Variants in STAG1 observed in about 807,000 individuals in gnomAD.
STAG1 encodes the protein cohesin subunit SA-1.
In STAG1, 26 loss-of-function variants were observed where a neutral mutation model predicts 170.9. The observed-to-expected ratio is 0.15, with a 90% CI of 0.11 to 0.21. The LOEUF (loss-of-function observed/expected upper bound fraction) is 0.21. STAG1 is among the 10% of genes least tolerant of loss of function. The probability of loss-of-function intolerance (pLI) is 1.00; values close to 1 mark genes in which losing one functional copy is unlikely to be tolerated. For synonymous variants in STAG1, 514 were observed against 497.7 expected (o/e 1.03, Z -0.44); for missense variants, 964 against 1,509.5 (o/e 0.64, Z 5.99).
At chr3:136,626,977 A>G (rs13066401) in intron 2 of STAG1, among the ~76,000 whole-genome samples, 13,654 of 152,236 alleles carry the variant, frequency 0.09, 858 homozygotes, top group Non-Finnish European at 0.13. Flanking sequence ...CAAAATCTCC[A>G]AGTGCTTTTG....
intron 7 of STAG1, among the ~76,000 whole-genome samples, chr3:136,514,990 A>G (rs938000910): frequency 6.6e-6 from 1 of 152,040 alleles, no homozygotes. Flanking sequence ...CAGCAAACCA[A>G]CATGGCACAT....
chr3:136,669,102 T>C (rs1322716545), intron 1 of STAG1, among the ~76,000 whole-genome samples: 1 of 152,212 alleles, frequency 6.6e-6, no homozygotes, highest in Non-Finnish European at 1.5e-5. Context: ...TCCATTTCTC[T>C]GTAAGATCTG....
chr3:136,674,154 A>AGGGAGAGAGGGAGGGAGG (rs1942060235), intron 1 of STAG1, among the ~76,000 whole-genome samples: 1 of 13,104 alleles, frequency 7.6e-5, no homozygotes, highest in Non-Finnish European at 1.3e-4. Flanking sequence ...AGGGAGGGAG[A>AGGGAGAGAGGGAGGGAGG]GAGGGAGGGA....
intron 5 of STAG1, among the ~76,000 whole-genome samples, chr3:136,550,704 C>T (rs563967884): frequency 2.6e-5 from 4 of 152,002 alleles, no homozygotes; most frequent in African/African-American, 9.6e-5. Flanking sequence ...GGTGTAGAGT[C>T]GTTCCTTGTA....
chr3:136,437,816 C>A lies in STAG1; in HGVS notation c.1547-4157G>T, dbSNP rs571463721. On this transcript the variant is annotated intron_variant, in intron 15 of 33. Coordinates refer to ENST00000383202, the MANE Select transcript of STAG1 (RefSeq NM_005862.3). Reference sequence around the variant, plus strand: ...TGCTCTTCCTGCTTTCATCCCCTATCCACAATCTTTAACTCAGCCATGGGC... The same window carrying A: ...TGCTCTTCCTGCTTTCATCCCCTATACACAATCTTTAACTCAGCCATGGGC... 2.0e-5 allele frequency among the ~76,000 whole-genome samples: 3 copies of A among 152,210 alleles called. No individual in the cohort carries two copies. The South Asian group carries it at 6.2e-4, about 32-fold the overall frequency.
intron 8 of STAG1, among the ~76,000 whole-genome samples, chr3:136,502,190 A>C (rs1229317900): frequency 6.6e-6 from 1 of 151,804 alleles, no homozygotes; most frequent in Non-Finnish European, 1.5e-5. Context: ...CAAAAAAAAA[A>C]CAGTATAAAA....
chr3:136,465,181 T>C (rs968488881), intron 12 of STAG1, among the ~76,000 whole-genome samples, 193 bp from the exon 13 acceptor site: 1 of 151,826 alleles, frequency 6.6e-6, no homozygotes, highest in Non-Finnish European at 1.5e-5. Context: ...AAAATACAGA[T>C]TCAACGAGAA....
rs565772480 is a variant in STAG1, at chr3:136,542,915, T to C, written c.395-720A>G. On this transcript the variant is annotated intron_variant, in intron 5 of 33. Coordinates refer to ENST00000383202, the MANE Select transcript of STAG1 (RefSeq NM_005862.3). ...AAAAAGTTTCCCGGTATCAGACCCA[T>C]GGTTTACATGCAGGCAGACTGGCTA... 2.6e-5 allele frequency among the ~76,000 whole-genome samples: 4 copies of C among 152,228 alleles called. No individual in the cohort carries two copies. The South Asian group carries it at 8.3e-4, about 32-fold the overall frequency.
At chr3:136,464,633 T>C (rs1052793021) in intron 13 of STAG1, among the ~76,000 whole-genome samples, 2 of 152,080 alleles carry the variant, frequency 1.3e-5, no homozygotes, top group Admixed American at 6.6e-5. Context: ...TCCTCCAATC[T>C]CCACTCACAT....
At chr3:136,415,727 C>T (rs577797401) in intron 21 of STAG1, among the ~76,000 whole-genome samples, 5 of 152,150 alleles carry the variant, frequency 3.3e-5, no homozygotes, top group Admixed American at 6.5e-5. Context: ...GCGGCCGAGG[C>T]GGAAGAATCG....
intron 26 of STAG1, 73 bp from the exon 27 acceptor site, chr3:136,359,369 T>C: frequency 9.0e-7 from 1 of 1,113,438 alleles, no homozygotes; most frequent in Non-Finnish European, 1.2e-6. Context: ...AATAGGTAAT[T>C]AAAAAATATG....
At chr3:136,570,453 T>C (rs1001649554) in intron 4 of STAG1, among the ~76,000 whole-genome samples, 1 of 152,236 alleles carries the variant, frequency 6.6e-6, no homozygotes, top group Non-Finnish European at 1.5e-5. Flanking sequence ...TTGAGGAATA[T>C]GAGTACTCTT....
At chr3:136,573,842 G>A (rs972540762) in intron 4 of STAG1, among the ~76,000 whole-genome samples, 2 of 151,948 alleles carry the variant, frequency 1.3e-5, no homozygotes, top group Non-Finnish European at 2.9e-5. Flanking sequence ...GTGGTGGTGG[G>A]TGCCTGTAAT....
chr3:136,457,833 T>A (rs940338449), intron 13 of STAG1, among the ~76,000 whole-genome samples: 1 of 152,128 alleles, frequency 6.6e-6, no homozygotes, highest in South Asian at 2.1e-4. Flanking sequence ...TGGTGATTCA[T>A]GCCTGTAATC....
intron 7 of STAG1, among the ~76,000 whole-genome samples, chr3:136,520,654 G>A (rs1934625476): frequency 6.6e-6 from 1 of 152,072 alleles, no homozygotes; most frequent in African/African-American, 2.4e-5. Context: ...AAGCAAAAGT[G>A]AAAACTAATC....
intron 1 of STAG1, among the ~76,000 whole-genome samples, chr3:136,750,762 T>C (rs1261221241): frequency 2.6e-5 from 4 of 152,232 alleles, no homozygotes; most frequent in African/African-American, 9.6e-5. Context: ...GTATTCTTAA[T>C]CATCAAAAGC....
intron 13 of STAG1, among the ~76,000 whole-genome samples, chr3:136,452,408 C>A (rs2088969995): frequency 6.6e-6 from 1 of 151,550 alleles, no homozygotes; most frequent in Non-Finnish European, 1.5e-5. Context: ...ACTAAAAATA[C>A]AAAAAATTAG....
At chr3:136,610,188 C>T (rs2107815070) in intron 3 of STAG1, among the ~76,000 whole-genome samples, 1 of 152,180 alleles carries the variant, frequency 6.6e-6, no homozygotes, top group South Asian at 2.1e-4. Context: ...AGGTGCCCGC[C>T]ACCACTCCCA....
chr3:136,410,238 A>G (rs1277440687), intron 21 of STAG1, among the ~76,000 whole-genome samples: 1 of 151,856 alleles, frequency 6.6e-6, no homozygotes, highest in Non-Finnish European at 1.5e-5. Context: ...TGTCTCTACT[A>G]AAAATACAAA....
Sources: gnomAD v4.1 joint callset for allele counts (sites outside exome capture counted in the v4.1 genomes callset) on GRCh38, gnomAD v4.1.1 for gene constraint, MANE v1.5 for transcripts, NCBI Gene and HGNC (gene_info 2026-07-23, HGNC 2026-07-21) for gene names.